The following NRG3 variants were observed in gnomAD, a reference collection of about 807,000 sequenced individuals.
NRG3 encodes neuregulin 3.
In NRG3, 31 loss-of-function variants were observed where a neutral mutation model predicts 66.9. The ratio of observed to expected loss-of-function variants is 0.46; its 90% CI spans 0.35 to 0.63. The LOEUF (loss-of-function observed/expected upper bound fraction) is 0.63. Ranked by LOEUF, NRG3 falls within the 20% of genes least tolerant of loss-of-function variation. NRG3 has a pLI of 0.00. For synonymous variants in NRG3, 393 were observed against 359.4 expected, an observed-to-expected ratio of 1.09 and a Z score of -1.06; for missense variants, 910 against 878.9, an observed-to-expected ratio of 1.04 and a Z score of -0.45.
intron 3 of NRG3, among the ~76,000 whole-genome samples, chr10:82,835,692 A>G (rs1371163385): frequency 1.3e-5 from 2 of 152,150 alleles, no homozygotes; most frequent in African/African-American, 2.4e-5. Context: ...TCTTATTGTC[A>G]TCAGCCTATC....
chr10:82,662,359 T>C (rs1390756021), intron 2 of NRG3, among the ~76,000 whole-genome samples: 2 of 150,278 alleles, frequency 1.3e-5, no homozygotes, highest in African/African-American at 2.5e-5. Flanking sequence ...ACAGACTCTT[T>C]TAAAAAAAAA....
At chr10:82,974,457 C>A (rs558535002) in intron 7 of NRG3, among the ~76,000 whole-genome samples, 1 of 152,180 alleles carries the variant, frequency 6.6e-6, no homozygotes, top group Non-Finnish European at 1.5e-5. Flanking sequence ...TTATTTGACA[C>A]ATTTCATAGC....
At chr10:82,122,103 CTTGAG>C (rs2068128858) in intron 1 of NRG3, among the ~76,000 whole-genome samples, 2 of 152,112 alleles carry the variant, frequency 1.3e-5, no homozygotes, top group Admixed American at 6.6e-5. Context: ...AGCACTGACT[CTTGAG>C]TTGCTGTGAG....
intron 5 of NRG3, among the ~76,000 whole-genome samples, chr10:82,957,517 T>C (rs1034871075): frequency 1.3e-4 from 20 of 151,954 alleles, no homozygotes; most frequent in African/African-American, 4.8e-4. Flanking sequence ...CCCTGACAAA[T>C]AGAGCCGGAG....
chr10:82,093,224 T>C (rs538626169), intron 1 of NRG3, among the ~76,000 whole-genome samples: 2 of 152,318 alleles, frequency 1.3e-5, no homozygotes, highest in South Asian at 4.1e-4. Context: ...CTAGGCTGTC[T>C]GATACAATGT....
In NRG3 at chr10:82,623,560, A is replaced by G. The variant is rs189302042; in HGVS notation, c.954-115017A>G. On this transcript the variant is annotated intron_variant, in intron 2 of 8. Coordinates refer to ENST00000372141, the MANE Select transcript of NRG3 (RefSeq NM_001010848.4). ...ACTTCAGGGATAGTTACATGGCTCA[A>G]CAAGATAGACATGGACCCAGTCTTC... Among the ~76,000 whole-genome samples, 4 of 152,258 alleles carry G rather than the reference A, an allele frequency of 2.6e-5. No individual in the cohort carries two copies. In the East Asian group the frequency reaches 7.7e-4, roughly 29 times the overall value.
chr10:82,509,892 T>C (rs910291833), intron 2 of NRG3, among the ~76,000 whole-genome samples: 1 of 152,168 alleles, frequency 6.6e-6, no homozygotes, highest in African/African-American at 2.4e-5. Context: ...CATTCTGTAC[T>C]GTGCATTTGC....
chr10:82,917,546 A>G (rs931749215), intron 4 of NRG3, among the ~76,000 whole-genome samples: 1 of 152,100 alleles, frequency 6.6e-6, no homozygotes, highest in East Asian at 1.9e-4. Flanking sequence ...CTCTAGCCAT[A>G]ATCATTTTAT....
intron 4 of NRG3, among the ~76,000 whole-genome samples, chr10:82,872,100 C>T (rs1165556595): frequency 6.6e-6 from 1 of 152,044 alleles, no homozygotes. Context: ...TTCTAGTTAA[C>T]TGAGAGTTTT....
At chr10:82,739,176 G>A (rs567888538) in intron 3 of NRG3, among the ~76,000 whole-genome samples, 1 of 152,226 alleles carries the variant, frequency 6.6e-6, no homozygotes, top group African/African-American at 2.4e-5. Context: ...ACTGTCCTAA[G>A]GACAAATTAT....
chr10:82,278,910 T>TA (rs2078990897), intron 1 of NRG3, among the ~76,000 whole-genome samples: 1 of 152,162 alleles, frequency 6.6e-6, no homozygotes, highest in Non-Finnish European at 1.5e-5. Context: ...CTTCCAGGCT[T>TA]ATCGCCCAGG....
intron 1 of NRG3, among the ~76,000 whole-genome samples, chr10:82,150,638 C>G (rs2070669880): frequency 6.6e-6 from 1 of 151,526 alleles, no homozygotes; most frequent in Non-Finnish European, 1.5e-5. Context: ...GAGGTTGACT[C>G]TTGTAAACTG....
At chr10:82,745,858 T>G (rs1185425226) in intron 3 of NRG3, among the ~76,000 whole-genome samples, 1 of 152,168 alleles carries the variant, frequency 6.6e-6, no homozygotes, top group African/African-American at 2.4e-5. Flanking sequence ...TATTTTCTAC[T>G]TTTTCTGTGG....
intron 1 of NRG3, among the ~76,000 whole-genome samples, chr10:82,169,798 A>G (rs1367666582): frequency 1.3e-5 from 2 of 151,672 alleles, no homozygotes; most frequent in Admixed American, 6.6e-5. Flanking sequence ...ATCTTTCAGT[A>G]TATCATTTTT....
chr10:82,023,683 G>A (rs1389453529), intron 1 of NRG3, among the ~76,000 whole-genome samples: 2 of 151,538 alleles, frequency 1.3e-5, no homozygotes, highest in East Asian at 1.9e-4. Context: ...AACCATCCTT[G>A]TATCCCTAGG....
chr10:81,890,569 TGA>T (rs1242726688), intron 1 of NRG3, among the ~76,000 whole-genome samples: 1 of 152,182 alleles, frequency 6.6e-6, no homozygotes, highest in Non-Finnish European at 1.5e-5. Flanking sequence ...AAATACATAG[TGA>T]ACATATTCAG....
intron 4 of NRG3, among the ~76,000 whole-genome samples, chr10:82,887,914 G>A (rs760141181): frequency 6.6e-5 from 10 of 152,186 alleles, no homozygotes; most frequent in Non-Finnish European, 1.2e-4. Flanking sequence ...ACCCAGTGCT[G>A]ACTGGCACTC....
intron 3 of NRG3, among the ~76,000 whole-genome samples, chr10:82,820,669 C>T (rs1405669249): frequency 6.6e-6 from 1 of 152,138 alleles, no homozygotes; most frequent in Non-Finnish European, 1.5e-5. Context: ...GAAGATATGC[C>T]ATCAGTTAAG....
At chr10:82,534,191 A>C (rs1847582922) in intron 2 of NRG3, among the ~76,000 whole-genome samples, 1 of 151,394 alleles carries the variant, frequency 6.6e-6, no homozygotes, top group South Asian at 2.1e-4. Context: ...TACTACCCAA[A>C]GCAATCTACA....
Sources: allele counts gnomAD v4.1 joint callset (sites outside exome capture counted in the v4.1 genomes callset), GRCh38; gene constraint gnomAD v4.1.1; transcripts MANE v1.5; gene names NCBI Gene and HGNC (gene_info 2026-07-23, HGNC 2026-07-21).